Variants in PPP2R2B observed in about 807,000 individuals in gnomAD.
PPP2R2B encodes the protein protein phosphatase 2 regulatory subunit Bbeta.
PPP2R2B carries 5 observed loss-of-function variants against 46.0 expected under a neutral mutation model. The ratio of observed to expected loss-of-function variants is 0.11; its 90% confidence interval spans 0.06 to 0.23. The LOEUF (loss-of-function observed/expected upper bound fraction) is 0.23. PPP2R2B is among the 10% of genes least tolerant of loss of function. The probability of loss-of-function intolerance (pLI) is 1.00; values close to 1 mark genes in which losing one functional copy is unlikely to be tolerated. For missense variants in PPP2R2B, 367 were observed against 575.0 expected (o/e 0.64, Z 3.70); for synonymous variants, 215 against 206.7 (o/e 1.04, Z -0.34).
At chr5:146,666,481 C>T (rs1277307001) in intron 5 of PPP2R2B, among the ~76,000 whole-genome samples, 1 of 152,190 alleles carries the variant, frequency 6.6e-6, no homozygotes, top group Non-Finnish European at 1.5e-5. Flanking sequence ...CTGGACTCTT[C>T]TTGGGAAAAC....
At chr5:146,933,556 C>T (rs1764036348) in intron 1 of PPP2R2B, among the ~76,000 whole-genome samples, 1 of 152,052 alleles carries the variant, frequency 6.6e-6, no homozygotes. Context: ...AGGGCCACCT[C>T]ACTTTATTCT....
chr5:146,693,497 G>GAGC (rs569464556), intron 4 of PPP2R2B, among the ~76,000 whole-genome samples: 61 of 152,248 alleles, frequency 4.0e-4, no homozygotes, highest in Admixed American at 2.2e-3. Flanking sequence ...TTACAGGCAT[G>GAGC]AGCCACCACA....
At chr5:146,735,695 G>A (rs923967899) in intron 2 of PPP2R2B, among the ~76,000 whole-genome samples, 1 of 152,092 alleles carries the variant, frequency 6.6e-6, no homozygotes, top group African/African-American at 2.4e-5. Flanking sequence ...CAACGCTGAG[G>A]GACACTTGTC....
At chr5:146,787,109 A>C (rs1423733947) in intron 2 of PPP2R2B, among the ~76,000 whole-genome samples, 4 of 152,236 alleles carry the variant, frequency 2.6e-5, no homozygotes, top group Non-Finnish European at 2.9e-5. Context: ...AATCAAACAC[A>C]CACACAAAAA....
chr5:146,989,018 C>T (rs1330351154), intron 1 of PPP2R2B, among the ~76,000 whole-genome samples: 1 of 151,856 alleles, frequency 6.6e-6, no homozygotes, highest in Admixed American at 6.6e-5. Flanking sequence ...GTAATAAATT[C>T]ATGGACATGT....
intron 5 of PPP2R2B, among the ~76,000 whole-genome samples, chr5:146,654,254 C>T (rs1776176539): frequency 6.6e-6 from 1 of 152,122 alleles, no homozygotes. Flanking sequence ...TCTGTTTGCC[C>T]CATTTTACAG....
chr5:146,813,131 T>G (rs979367837), intron 2 of PPP2R2B, among the ~76,000 whole-genome samples: 1 of 151,220 alleles, frequency 6.6e-6, no homozygotes, highest in Admixed American at 6.6e-5. Flanking sequence ...GCTATATATA[T>G]AGTGTGTGTG....
At chr5:146,673,250 C>T (rs193031407) in intron 5 of PPP2R2B, among the ~76,000 whole-genome samples, 1 of 152,304 alleles carries the variant, frequency 6.6e-6, no homozygotes, top group East Asian at 1.9e-4. Flanking sequence ...ACCACAGATG[C>T]TGGCGGGATG....
intron 7 of PPP2R2B, among the ~76,000 whole-genome samples, chr5:146,626,132 GCCAC>G (rs10608918): frequency 0.046 from 6,991 of 152,210 alleles, 367 homozygotes; most frequent in East Asian, 0.23. Flanking sequence ...GTTGTTTTAA[GCCAC>G]TACATTTGTG....
Position 146,606,910 on chromosome 5 carries a change from G to C in PPP2R2B, c.791-6450C>G, listed in dbSNP as rs370434594. Reference sequence around the variant, plus strand: ...GTCCGCTCACGATGAAAAAGGAACGGGCTCGGAATCATGCGCAGGGCTTTA... The same window carrying C: ...GTCCGCTCACGATGAAAAAGGAACGCGCTCGGAATCATGCGCAGGGCTTTA... On this transcript the variant is annotated intron_variant, in intron 7 of 9. Transcript: ENST00000394411. The C allele has an allele frequency of 4.6e-5, 7 of 152,146 alleles. No homozygotes were observed. In the East Asian group the frequency reaches 1.3e-3, roughly 29 times the overall value. 9.4% of individuals were successfully genotyped at this position (152,146 alleles called of 1,614,324 possible).
At chr5:146,761,314 C>T (rs1320238841) in intron 2 of PPP2R2B, among the ~76,000 whole-genome samples, 3 of 152,166 alleles carry the variant, frequency 2.0e-5, no homozygotes, top group Non-Finnish European at 2.9e-5. Flanking sequence ...CACATATACA[C>T]CATGGAATAC....
intron 2 of PPP2R2B, among the ~76,000 whole-genome samples, chr5:146,876,918 G>A (rs1428373321): frequency 6.6e-6 from 1 of 152,036 alleles, no homozygotes; most frequent in Non-Finnish European, 1.5e-5. Context: ...CATTTCTCTA[G>A]CAGTCTTTTG....
At chr5:147,055,637 C>A in intron 1 of PPP2R2B, 1 of 1,585,006 alleles carries the variant, frequency 6.3e-7, no homozygotes, top group Non-Finnish European at 8.7e-7. Context: ...TCCCACCCAC[C>A]CAGACACTCT....
intron 1 of PPP2R2B, among the ~76,000 whole-genome samples, chr5:146,975,431 A>G (rs1752854790): frequency 6.6e-6 from 1 of 152,190 alleles, no homozygotes; most frequent in Admixed American, 6.5e-5. Flanking sequence ...GTTGCTTTCA[A>G]CTTTTGGCTA....
rs371413801 is a variant in PPP2R2B, at chr5:146,666,724, C to T, written c.448-16000G>A. ...CCTCAATAATGGTGAGCTCAGGCCA[C>T]TTGGCCTCCACAAATGCTTTGCTTC... On this transcript the variant is annotated intron_variant, in intron 5 of 9. Coordinates refer to ENST00000394411, the MANE Select transcript of PPP2R2B (RefSeq NM_181675.4). 5.9e-4 allele frequency among the ~76,000 whole-genome samples: 90 copies of T among 152,364 alleles called. 5 individuals are homozygous for T. The South Asian group carries it at 0.017, about 29-fold the overall frequency.
At position 146,766,025 on chromosome 5, in the gene PPP2R2B, C is replaced by A. The variant is rs536618774; in HGVS notation, c.71-64883G>T. On this transcript the variant is annotated intron_variant, in intron 2 of 9. Transcript: ENST00000394411. ...AAGAATTAAGATGGTGATACCTAAACATGTTCTTTTAAAGGAAAATAAGTA... is the reference window on the plus strand; with the variant it reads ...AAGAATTAAGATGGTGATACCTAAAAATGTTCTTTTAAAGGAAAATAAGTA... Among the ~76,000 whole-genome samples the A allele has an allele frequency of 7.9e-5, 12 of 152,298 alleles. No individual in the cohort carries two copies. In the South Asian group the frequency reaches 2.5e-3, roughly 32 times the overall value.
intron 7 of PPP2R2B, among the ~76,000 whole-genome samples, chr5:146,608,715 G>A (rs990953521): frequency 2.0e-5 from 3 of 152,120 alleles, no homozygotes; most frequent in Non-Finnish European, 4.4e-5. Context: ...AACCCAGGAG[G>A]CGGAGGTTGC....
At chr5:146,716,521 A>T (rs1488797158) in intron 2 of PPP2R2B, among the ~76,000 whole-genome samples, 4 of 152,210 alleles carry the variant, frequency 2.6e-5, no homozygotes, top group Non-Finnish European at 4.4e-5. Context: ...AGGATCCAAT[A>T]AAAGCTATAA....
At chr5:146,814,032 T>G (rs1757784902) in intron 2 of PPP2R2B, among the ~76,000 whole-genome samples, 2 of 152,256 alleles carry the variant, frequency 1.3e-5, no homozygotes, top group African/African-American at 4.8e-5. Flanking sequence ...GGCAGTGGAT[T>G]GTGGCAGTTA....
Sources: allele counts gnomAD v4.1 joint callset (sites outside exome capture counted in the v4.1 genomes callset), GRCh38; gene constraint gnomAD v4.1.1; transcripts MANE v1.5; gene names NCBI Gene and HGNC (gene_info 2026-07-23, HGNC 2026-07-21).